Variants in EFR3A observed in about 807,000 individuals in gnomAD.
The protein encoded by EFR3A is EFR3 homolog A.
In EFR3A, 76 loss-of-function variants were observed where a neutral mutation model predicts 104.4. The observed-to-expected ratio is 0.73, with a 90% confidence interval of 0.60 to 0.88. The LOEUF is 0.88. Among genes scored for constraint, EFR3A ranks in the 40% least tolerant of loss-of-function variants. EFR3A has a pLI of 0.00. For synonymous variants in EFR3A, 330 were observed against 330.0 expected, an observed-to-expected ratio of 1.00 and a Z score of 0.00; for missense variants, 985 against 1,012.5, an observed-to-expected ratio of 0.97 and a Z score of 0.37.
chr8:131,992,549 AG>A (rs1821246475), intron 18 of EFR3A, among the ~76,000 whole-genome samples: 1 of 152,192 alleles, frequency 6.6e-6, no homozygotes, highest in African/African-American at 2.4e-5. Flanking sequence ...GGATGATGGA[AG>A]GGAAGTTCAT....
At chr8:131,933,826 T>C (rs571772428) in intron 1 of EFR3A, among the ~76,000 whole-genome samples, 3 of 152,058 alleles carry the variant, frequency 2.0e-5, no homozygotes, top group African/African-American at 7.2e-5. Flanking sequence ...TTCTACAGTT[T>C]CCCAGAATTG....
chr8:131,919,633 C>T (rs1051198330), intron 1 of EFR3A, among the ~76,000 whole-genome samples: 1 of 149,730 alleles, frequency 6.7e-6, no homozygotes, highest in Admixed American at 6.7e-5. Context: ...CCTGTTTTAA[C>T]GGTATGAGGA....
At position 131,970,570 on chromosome 8, in the gene EFR3A, C is replaced by A. The variant is rs1819994600; in HGVS notation, c.1086C>A (p.Gly362=). ...ATGATTTACAGGGGGGATCTGTAGG[C>A]AGTGTCAACTTAAATACAAGTTCCA... ...EANDLQGGSV[G]SVNLNTSSKD... The change falls in exon 10 of 23, where the codon GGC becomes GGA. Residue 362 remains glycine (G), a synonymous_variant. Coordinates refer to ENST00000254624, the MANE Select transcript of EFR3A (RefSeq NM_015137.6). 1.9e-6 allele frequency: 3 copies of A among 1,613,634 alleles called. No individual in the cohort carries two copies. The highest frequency in any genetic ancestry group is 2.5e-6 in the Non-Finnish European group (3 of 1,179,746).
At chr8:131,939,240 T>C (rs900092785) in intron 1 of EFR3A, among the ~76,000 whole-genome samples, 2 of 152,082 alleles carry the variant, frequency 1.3e-5, no homozygotes, top group Non-Finnish European at 2.9e-5. Flanking sequence ...ATGGGGAAAC[T>C]TGTGTGTAGT....
chr8:131,936,499 A>G (rs1014218715), intron 1 of EFR3A, among the ~76,000 whole-genome samples: 2 of 151,540 alleles, frequency 1.3e-5, no homozygotes, highest in Non-Finnish European at 2.9e-5. Flanking sequence ...CCCCTCCAGC[A>G]CACACACACA....
intron 1 of EFR3A, among the ~76,000 whole-genome samples, chr8:131,910,290 G>C (rs1371675047): frequency 2.0e-5 from 3 of 152,174 alleles, no homozygotes; most frequent in African/African-American, 7.2e-5. Context: ...CTGGTAATTT[G>C]AGATGGAGTC....
At chr8:131,950,555 A>G (rs1190826660) in intron 5 of EFR3A, among the ~76,000 whole-genome samples, 2 of 152,060 alleles carry the variant, frequency 1.3e-5, no homozygotes, top group African/African-American at 2.4e-5. Flanking sequence ...GCCACCCTTT[A>G]TTAAATGTCA....
At chr8:131,988,373 AC>A (rs1396247369) in intron 18 of EFR3A, among the ~76,000 whole-genome samples, 2 of 152,122 alleles carry the variant, frequency 1.3e-5, no homozygotes, top group Non-Finnish European at 2.9e-5. Flanking sequence ...CCTCTGTTCT[AC>A]AAGAGAACCA....
rs769764932 is a variant in EFR3A at position 131,977,060 on chromosome 8, A to G, written c.1294A>G (p.Ile432Val). Residue 432 changes from isoleucine (I) to valine (V), a missense_variant, in exon 12 of 23, where the codon ATT becomes GTT. Ile to Val is a conservative substitution (Grantham distance 29, BLOSUM62 3). Transcript: ENST00000254624. ...SQLGDLGTRR[I>V]QIMLLRSLLM... ...TTTTAGGGATTTGGGAACCAGGAGA[A>G]TTCAGATAATGTTGCTGAGATCTTT... is the stretch of plus-strand genomic sequence containing the variant. 6.2e-7 allele frequency: 1 copy of G among 1,602,952 alleles called. No individual in the cohort carries two copies.
At chr8:131,934,527 T>C (rs1364502109) in intron 1 of EFR3A, among the ~76,000 whole-genome samples, 4 of 152,202 alleles carry the variant, frequency 2.6e-5, no homozygotes, top group African/African-American at 9.6e-5. Context: ...TTTTAAACTT[T>C]GTCTTTTAAA....
intron 17 of EFR3A, among the ~76,000 whole-genome samples, chr8:131,986,520 A>G (rs1305726741): frequency 6.6e-6 from 1 of 152,168 alleles, no homozygotes; most frequent in Admixed American, 6.6e-5. Context: ...GCAGTGGTTC[A>G]CGCCTGTAAT....
intron 14 of EFR3A, among the ~76,000 whole-genome samples, chr8:131,979,653 C>T (rs1311176393): frequency 1.3e-5 from 2 of 152,066 alleles, no homozygotes; most frequent in Non-Finnish European, 2.9e-5. Context: ...TAAATTTCTT[C>T]TCTGAGTAAA....
chr8:131,927,404 G>A (rs929409756), intron 1 of EFR3A, among the ~76,000 whole-genome samples: 2 of 152,100 alleles, frequency 1.3e-5, no homozygotes, highest in African/African-American at 4.8e-5. Flanking sequence ...GAGCTTTGTG[G>A]CAGTGACTGG....
intron 1 of EFR3A, among the ~76,000 whole-genome samples, chr8:131,914,072 G>A (rs1372629429): frequency 2.0e-5 from 3 of 152,182 alleles, no homozygotes; most frequent in Non-Finnish European, 4.4e-5. Flanking sequence ...GTTAGAATCA[G>A]CAGGTTATCA....
intron 1 of EFR3A, among the ~76,000 whole-genome samples, chr8:131,937,448 T>C (rs1052266970): frequency 6.6e-6 from 1 of 152,156 alleles, no homozygotes; most frequent in Non-Finnish European, 1.5e-5. Context: ...TTGGTTATAA[T>C]TTATCCACTG....
In EFR3A at chr8:131,943,296, A is replaced by G. The variant is rs184546429; in HGVS notation, c.88-1449A>G. ...AGCAGTGTCTTCACAGATGTATACA[A>G]CTGTCACATTTCCAATTATATACCG... is the stretch of plus-strand genomic sequence containing the variant. On this transcript the variant is annotated intron_variant, in intron 2 of 22. Coordinates refer to ENST00000254624, the MANE Select transcript of EFR3A (RefSeq NM_015137.6). 2.5e-3 allele frequency among the ~76,000 whole-genome samples: 380 copies of G among 152,210 alleles called. 6 individuals are homozygous for G. The highest frequency in any genetic ancestry group is 1.1e-3 in the Non-Finnish European group (78 of 67,982).
intron 1 of EFR3A, among the ~76,000 whole-genome samples, chr8:131,917,128 T>C (rs1490056140): frequency 2.0e-5 from 3 of 152,270 alleles, no homozygotes; most frequent in Non-Finnish European, 2.9e-5. Context: ...ATAATGTGTA[T>C]TTGTGAAACA....
At chr8:131,990,333 G>A (rs961331051) in intron 18 of EFR3A, among the ~76,000 whole-genome samples, 1 of 152,138 alleles carries the variant, frequency 6.6e-6, no homozygotes, top group African/African-American at 2.4e-5. Context: ...TCCTCCAATA[G>A]CACATACAAA....
chr8:131,976,230 T>A (rs539660086), intron 11 of EFR3A, 89 bp downstream of exon 11: 50 of 850,518 alleles, frequency 5.9e-5, no homozygotes, highest in Admixed American at 8.2e-5. Context: ...TTGTTTTTTT[T>A]TAAAAATCAT....
Sources: allele counts gnomAD v4.1 joint callset (sites outside exome capture counted in the v4.1 genomes callset), GRCh38; gene constraint gnomAD v4.1.1; transcripts MANE v1.5; gene names NCBI Gene and HGNC (gene_info 2026-07-23, HGNC 2026-07-21).